Variants in SEPTIN10 observed in about 807,000 individuals in gnomAD.
SEPTIN10 encodes septin 10.
A neutral mutation model predicts 54.8 loss-of-function variants in SEPTIN10; 66 were observed. The ratio of observed to expected loss-of-function variants is 1.21; its 90% CI spans 0.99 to 1.48. SEPTIN10 has a LOEUF of 1.48. SEPTIN10 is among the 40% of genes most tolerant of loss of function. The pLI, the probability that SEPTIN10 is intolerant of heterozygous loss-of-function variation, is 0.00. For missense variants in SEPTIN10, 620 were observed against 545.6 expected, an observed-to-expected ratio of 1.14 and a Z score of -1.36; for synonymous variants, 161 against 181.0, an observed-to-expected ratio of 0.89 and a Z score of 0.89.
intron 8 of SEPTIN10, among the ~76,000 whole-genome samples, chr2:109,562,924 T>TC (rs1573492584): frequency 6.6e-6 from 1 of 151,978 alleles, no homozygotes; most frequent in South Asian, 2.1e-4. Context: ...TTTTTTTTTT[T>TC]CTTTGAGATG....
Position 109,585,741 on chromosome 2 carries a change from C to T in SEPTIN10, c.197G>A (p.Cys66Tyr). ...CGTACCCACACAGAGAATATTAAAG[C>T]AGAAACCTTGCTGAATGGATCTGTT... ...LVNRSIQQGF[C>Y]FNILCVGETG... Residue 66 changes from cysteine to tyrosine, a missense_variant, in exon 3 of 11, where the codon TGC becomes TAC. By Grantham distance (194) the Cys-to-Tyr change is radical. Transcript: ENST00000397712. 1 of 1,613,084 alleles carries T rather than the reference C, an allele frequency of 6.2e-7. No homozygotes were observed. Among genetic ancestry groups the T allele is most frequent in the Non-Finnish European group, 8.5e-7 (1 of 1,179,654 alleles).
chr2:109,550,323 T>G (rs1278379445), intron 9 of SEPTIN10, among the ~76,000 whole-genome samples: 1 of 148,498 alleles, frequency 6.7e-6, no homozygotes, highest in Non-Finnish European at 1.5e-5. Flanking sequence ...TTTTTTTTTT[T>G]GTTTTTTGAG....
intron 9 of SEPTIN10, among the ~76,000 whole-genome samples, chr2:109,549,253 G>A (rs554128373): frequency 6.6e-6 from 1 of 152,290 alleles, no homozygotes; most frequent in Non-Finnish European, 1.5e-5. Flanking sequence ...GCAAGGGCAG[G>A]TTTCTATCAC....
At chr2:109,613,725 G>T in intron 1 of SEPTIN10, 73 bp downstream of exon 1, 1 of 1,022,298 alleles carries the variant, frequency 9.8e-7, no homozygotes, top group Non-Finnish European at 1.2e-6. Context: ...CAGGGGGCCG[G>T]TGGGTCGAGG....
rs774603502 is a variant in SEPTIN10 at position 109,567,865 on chromosome 2, G to T, written c.712C>A (p.Gln238Lys). ...ELVSNGVQIYQFPTDDDTIAK... is the reference protein window; with the variant it reads ...ELVSNGVQIYKFPTDDDTIAK... ...ATAGTGTCATCATCCGTTGGGAACT[G>T]GTATATCTGGACGCCATTGCTGACC... Residue 238 changes from glutamine to lysine, a missense_variant, in exon 6 of 11, where the codon CAG (glutamine) becomes AAG (lysine). Coordinates refer to ENST00000397712, the MANE Select transcript of SEPTIN10 (RefSeq NM_144710.5). 1.1e-5 allele frequency: 17 copies of T among 1,613,508 alleles called. No individual in the cohort carries two copies. Among genetic ancestry groups the T allele is most frequent in the Admixed American group, 1.7e-5 (1 of 59,910 alleles).
At chr2:109,564,266 G>A in intron 8 of SEPTIN10, 100 bp downstream of exon 8, 1 of 1,102,718 alleles carries the variant, frequency 9.1e-7, no homozygotes, top group Non-Finnish European at 1.2e-6. Flanking sequence ...ATGGTTTTGG[G>A]AGATTCTAAA....
At chr2:109,565,366 AG>A (rs1446954287) in intron 7 of SEPTIN10, among the ~76,000 whole-genome samples, 3 of 152,308 alleles carry the variant, frequency 2.0e-5, no homozygotes, top group Admixed American at 6.5e-5. Context: ...TAACTTTTTA[AG>A]TTGGCTGACT....
chr2:109,597,231 G>A (rs957624707), intron 1 of SEPTIN10, among the ~76,000 whole-genome samples: 4 of 152,206 alleles, frequency 2.6e-5, no homozygotes, highest in East Asian at 1.9e-4. Flanking sequence ...ATGAGCCACC[G>A]TGCCTGGCTG....
chr2:109,568,013 AT>A (rs753277551), intron 5 of SEPTIN10, 37 bp from the exon 6 acceptor site: 50,731 of 1,149,136 alleles, frequency 0.044, no homozygotes, highest in South Asian at 0.062. Context: ...CTTACTGAGG[AT>A]TTTTTTTTTT....
At chr2:109,585,660 G>A (rs1558829585) in intron 3 of SEPTIN10, 61 bp downstream of exon 3, 1 of 1,115,796 alleles carries the variant, frequency 9.0e-7, no homozygotes, top group Non-Finnish European at 1.4e-6. Context: ...CCCATGACAA[G>A]AATGAAGTGA....
chr2:109,595,810 G>C (rs925201077), intron 1 of SEPTIN10, among the ~76,000 whole-genome samples: 1 of 152,204 alleles, frequency 6.6e-6, no homozygotes, highest in African/African-American at 2.4e-5. Context: ...TTCTGCTAAA[G>C]GCTAAGTGCC....
chr2:109,601,207 A>C (rs1348442188), intron 1 of SEPTIN10, among the ~76,000 whole-genome samples: 3 of 152,252 alleles, frequency 2.0e-5, no homozygotes, highest in Admixed American at 6.5e-5. Flanking sequence ...CCAACCCTCT[A>C]ATCTTGCCTT....
chr2:109,583,530 C>T (rs980123781), intron 4 of SEPTIN10, among the ~76,000 whole-genome samples: 6 of 152,094 alleles, frequency 3.9e-5, no homozygotes, highest in Admixed American at 2.0e-4. Context: ...ATGCTTGTAC[C>T]CTGCTGGTGG....
At chr2:109,591,084 A>G (rs1477206865) in intron 2 of SEPTIN10, among the ~76,000 whole-genome samples, 1 of 152,172 alleles carries the variant, frequency 6.6e-6, no homozygotes, top group African/African-American at 2.4e-5. Context: ...AAACTAGTAC[A>G]CTATATTCTC....
chr2:109,556,221 T>C (rs1371380617), intron 8 of SEPTIN10, among the ~76,000 whole-genome samples: 2 of 152,234 alleles, frequency 1.3e-5, no homozygotes, highest in Admixed American at 6.5e-5. Flanking sequence ...CCTTCTTATA[T>C]GTCAGAAACA....
chr2:109,582,509 A>G (rs1481605774), intron 4 of SEPTIN10, among the ~76,000 whole-genome samples: 1 of 151,994 alleles, frequency 6.6e-6, no homozygotes, highest in Non-Finnish European at 1.5e-5. Flanking sequence ...TTTTGTAGAG[A>G]CGAGGTCCCA....
chr2:109,594,622 C>T (rs1215139324), intron 1 of SEPTIN10: 4 of 152,266 alleles, frequency 2.6e-5, no homozygotes, highest in Non-Finnish European at 5.9e-5. Flanking sequence ...TCTGCAATTA[C>T]AATGAACCAT....
In SEPTIN10 at chr2:109,590,631, G is replaced by A. The variant is rs575668898; in HGVS notation, c.99+2420C>T. On this transcript the variant is annotated intron_variant, in intron 2 of 10. Coordinates refer to ENST00000397712, the MANE Select transcript of SEPTIN10 (RefSeq NM_144710.5). ...ATTTTTAGTAGAGACAAGGTTTCAC[G>A]TCGGTCAGGCTGGTCTCGAACTCTT... 4.6e-5 allele frequency among the ~76,000 whole-genome samples: 7 copies of A among 152,054 alleles called. No homozygotes were observed. In the South Asian group the frequency reaches 6.2e-4, roughly 14 times the overall value.
rs755275798 is a variant in SEPTIN10, at chr2:109,564,475, T to C, written c.919A>G (p.Met307Val). 31 of 1,585,716 alleles carry C rather than the reference T, an allele frequency of 2.0e-5. No homozygotes were observed. The highest frequency in any genetic ancestry group is 2.7e-5 in the Non-Finnish European group (31 of 1,162,318). The change falls in exon 8 of 11, where the codon ATG becomes GTG. Residue 307 changes from methionine (M) to valine (V), a missense_variant. By Grantham distance (21) the Met-to-Val change is conservative. Transcript: ENST00000397712. ...TGGGTCTGCTCTCGCAGGTCCTCCA[T>C]ATTTGTACAAATGAGCATTTCCCGC... is the stretch of plus-strand genomic sequence containing the variant. ...KLREMLICTN[M>V]EDLREQTHTR...
Sources: allele counts gnomAD v4.1 joint callset (sites outside exome capture counted in the v4.1 genomes callset), GRCh38; gene constraint gnomAD v4.1.1; transcripts MANE v1.5; gene names NCBI Gene and HGNC (gene_info 2026-07-23, HGNC 2026-07-21).